ADAMTS6: variants seen among roughly 807,000 people sequenced by gnomAD.
ADAMTS6 encodes A disintegrin and metalloproteinase with thrombospondin motifs 6.
Under a neutral mutation model 144.3 loss-of-function variants are expected in ADAMTS6, and 23 were observed. The ratio of observed to expected loss-of-function variants is 0.16; its 90% CI spans 0.11 to 0.23. ADAMTS6 has a LOEUF of 0.23. Among genes scored for constraint, ADAMTS6 ranks in the 10% least tolerant of loss-of-function variants. The pLI, the probability that ADAMTS6 is intolerant of heterozygous loss-of-function variation, is 1.00. For synonymous variants in ADAMTS6, 444 were observed against 457.5 expected, an observed-to-expected ratio of 0.97 and a Z score of 0.38; for missense variants, 999 against 1,379.6, an observed-to-expected ratio of 0.72 and a Z score of 4.37.
At chr5:65,277,344 C>T (rs560447711) in intron 11 of ADAMTS6, among the ~76,000 whole-genome samples, 1 of 152,186 alleles carries the variant, frequency 6.6e-6, no homozygotes, top group Non-Finnish European at 1.5e-5. Context: ...TATAGTCAGA[C>T]ATGTAGCCCA....
At chr5:65,405,156 C>A (rs1271723821) in intron 7 of ADAMTS6, among the ~76,000 whole-genome samples, 2 of 152,136 alleles carry the variant, frequency 1.3e-5, no homozygotes, top group Non-Finnish European at 2.9e-5. Context: ...TTAATTAGAT[C>A]CCAATTGTCA....
intron 24 of ADAMTS6, among the ~76,000 whole-genome samples, chr5:65,170,365 A>G (rs1561243952): frequency 6.6e-6 from 1 of 152,232 alleles, no homozygotes; most frequent in Non-Finnish European, 1.5e-5. Context: ...CTTAGAGATT[A>G]TCTACTCCAA....
intron 23 of ADAMTS6, among the ~76,000 whole-genome samples, chr5:65,171,232 A>G (rs1753609618): frequency 6.6e-6 from 1 of 151,338 alleles, no homozygotes; most frequent in Admixed American, 6.6e-5. Context: ...CATGGTCTCA[A>G]TCTCCTGACC....
At chr5:65,389,215 AAAAG>A (rs1288410614) in intron 7 of ADAMTS6, among the ~76,000 whole-genome samples, 75 of 152,240 alleles carry the variant, frequency 4.9e-4, no homozygotes, top group Non-Finnish European at 9.1e-4. Context: ...AAGAAAAAAA[AAAAG>A]AAAGAAAGAA....
intron 20 of ADAMTS6, 36 bp from the exon 21 acceptor site, chr5:65,197,187 G>C: frequency 6.2e-7 from 1 of 1,607,480 alleles, no homozygotes; most frequent in Non-Finnish European, 8.5e-7. Flanking sequence ...TTGAAGAGAA[G>C]TTTACCTTCC....
At chr5:65,335,179 G>T (rs905096866) in intron 7 of ADAMTS6, among the ~76,000 whole-genome samples, 1 of 152,032 alleles carries the variant, frequency 6.6e-6, no homozygotes, top group African/African-American at 2.4e-5. Flanking sequence ...AAAATTTCTG[G>T]AGATACCCTC....
At chr5:65,208,523 A>G (rs974638604) in intron 20 of ADAMTS6, among the ~76,000 whole-genome samples, 2 of 152,188 alleles carry the variant, frequency 1.3e-5, no homozygotes, top group Non-Finnish European at 2.9e-5. Context: ...CAACTGGTGA[A>G]AAAGCTCTTT....
At chr5:65,341,975 C>A (rs770009989) in intron 7 of ADAMTS6, among the ~76,000 whole-genome samples, 4 of 151,954 alleles carry the variant, frequency 2.6e-5, no homozygotes, top group Non-Finnish European at 4.4e-5. Flanking sequence ...AACAGCACAT[C>A]AAAAAGATAA....
At chr5:65,358,696 A>G in intron 7 of ADAMTS6, among the ~76,000 whole-genome samples, 1 of 152,184 alleles carries the variant, frequency 6.6e-6, no homozygotes, top group Non-Finnish European at 1.5e-5. Context: ...CCAAGGGAAC[A>G]GAACAGACAG....
intron 15 of ADAMTS6, among the ~76,000 whole-genome samples, chr5:65,226,570 A>G (rs1757742647): frequency 6.6e-6 from 1 of 152,026 alleles, no homozygotes; most frequent in South Asian, 2.1e-4. Context: ...ATGTTTTTTA[A>G]AAAAATAAAT....
At chr5:65,254,336 T>A (rs1311479030) in intron 14 of ADAMTS6, among the ~76,000 whole-genome samples, 1 of 151,822 alleles carries the variant, frequency 6.6e-6, no homozygotes, top group Non-Finnish European at 1.5e-5. Context: ...ATGGGAAAAA[T>A]TGGGTTAGAG....
At chr5:65,471,608 A>G (rs1169757044) in intron 2 of ADAMTS6, among the ~76,000 whole-genome samples, 1 of 151,994 alleles carries the variant, frequency 6.6e-6, no homozygotes, top group Non-Finnish European at 1.5e-5. Context: ...ATACAAAAAA[A>G]TTATCCGGGC....
At chr5:65,388,754 C>T (rs1024763652) in intron 7 of ADAMTS6, among the ~76,000 whole-genome samples, 3 of 152,124 alleles carry the variant, frequency 2.0e-5, no homozygotes, top group African/African-American at 7.2e-5. Flanking sequence ...AATACTGCTA[C>T]GTAGTGTCAG....
At chr5:65,406,006 G>C (rs1000520363) in intron 7 of ADAMTS6, among the ~76,000 whole-genome samples, 1 of 152,186 alleles carries the variant, frequency 6.6e-6, no homozygotes, top group Non-Finnish European at 1.5e-5. Context: ...TGTATCCTGA[G>C]ACTTTGCTGA....
intron 12 of ADAMTS6, among the ~76,000 whole-genome samples, chr5:65,268,229 A>G (rs1363000097): frequency 6.6e-6 from 1 of 152,190 alleles, no homozygotes; most frequent in African/African-American, 2.4e-5. Flanking sequence ...ACTGGGCTAT[A>G]TCTCTAATTG....
intron 15 of ADAMTS6, among the ~76,000 whole-genome samples, chr5:65,228,357 T>C (rs1757880700): frequency 6.6e-6 from 1 of 152,202 alleles, no homozygotes. Flanking sequence ...TAGCCCACTA[T>C]ACTAAGTGAT....
intron 24 of ADAMTS6, among the ~76,000 whole-genome samples, chr5:65,166,034 T>C (rs1366247067): frequency 6.8e-6 from 1 of 146,932 alleles, no homozygotes; most frequent in African/African-American, 2.5e-5. Context: ...CATAACAATA[T>C]TAACTTTAAA....
chr5:65,296,749 G>A (rs1004400208), intron 10 of ADAMTS6, among the ~76,000 whole-genome samples: 2 of 151,996 alleles, frequency 1.3e-5, no homozygotes, highest in African/African-American at 2.4e-5. Flanking sequence ...CTCTTAATAC[G>A]TTCAGCTTCC....
At chr5:65,349,369 T>TA (rs1297843087) in intron 7 of ADAMTS6, among the ~76,000 whole-genome samples, 2 of 151,700 alleles carry the variant, frequency 1.3e-5, no homozygotes, top group Non-Finnish European at 2.9e-5. Flanking sequence ...AGCTACTCTA[T>TA]AAAAAAAATC....
Sources: allele counts gnomAD v4.1 joint callset (sites outside exome capture counted in the v4.1 genomes callset), GRCh38; gene constraint gnomAD v4.1.1; transcripts MANE v1.5; gene names NCBI Gene and HGNC (gene_info 2026-07-23, HGNC 2026-07-21).